Variants in THSD7B observed in about 807,000 individuals in gnomAD.
THSD7B encodes the protein thrombospondin type-1 domain-containing protein 7B.
THSD7B carries 138 observed loss-of-function variants against 213.6 expected under a neutral mutation model. The ratio of observed to expected loss-of-function variants is 0.65; its 90% CI spans 0.56 to 0.74. The LOEUF (loss-of-function observed/expected upper bound fraction) is 0.74. THSD7B is among the 30% of genes least tolerant of loss of function. THSD7B has a pLI of 0.00. For missense variants in THSD7B, 1,931 were observed against 1,991.5 expected, an observed-to-expected ratio of 0.97 and a Z score of 0.58; for synonymous variants, 742 against 687.0, an observed-to-expected ratio of 1.08 and a Z score of -1.25.
intron 12 of THSD7B, among the ~76,000 whole-genome samples, chr2:137,375,116 C>T (rs1685623787): frequency 1.3e-5 from 2 of 152,116 alleles, no homozygotes; most frequent in Non-Finnish European, 2.9e-5. Flanking sequence ...GCCAGTACTA[C>T]CTCAAAGTAG....
chr2:137,385,242 G>A (rs535009587), intron 12 of THSD7B, among the ~76,000 whole-genome samples: 70 of 152,298 alleles, frequency 4.6e-4, no homozygotes, highest in Non-Finnish European at 7.2e-4. Context: ...GTGTTAATTG[G>A]CATTTTTACC....
intron 2 of THSD7B, among the ~76,000 whole-genome samples, chr2:137,012,571 G>A (rs1011935315): frequency 6.6e-6 from 1 of 152,178 alleles, no homozygotes; most frequent in Non-Finnish European, 1.5e-5. Flanking sequence ...TCCAAATGCA[G>A]CTTATTCAGA....
chr2:137,588,656 CTG>C (rs1472936445), intron 17 of THSD7B, among the ~76,000 whole-genome samples: 1 of 151,926 alleles, frequency 6.6e-6, no homozygotes, highest in Non-Finnish European at 1.5e-5. Flanking sequence ...TCTCATGTAT[CTG>C]TGATTACCAT....
At chr2:137,229,279 A>G (rs1321590963) in intron 7 of THSD7B, among the ~76,000 whole-genome samples, 1 of 152,150 alleles carries the variant, frequency 6.6e-6, no homozygotes, top group Non-Finnish European at 1.5e-5. Context: ...TGGAAATTAA[A>G]TTTTGATTAG....
At chr2:137,487,344 C>T (rs866496066) in intron 15 of THSD7B, among the ~76,000 whole-genome samples, 1,582 of 111,510 alleles carry the variant, frequency 0.014, 73 homozygotes, top group African/African-American at 0.057. Flanking sequence ...GTCCGCAGTC[C>T]GGCCTGGGCG....
intron 1 of THSD7B, among the ~76,000 whole-genome samples, chr2:136,783,658 A>G (rs1033562789): frequency 1.3e-5 from 2 of 152,136 alleles, no homozygotes; most frequent in Non-Finnish European, 2.9e-5. Context: ...CCCACCCGCA[A>G]TCTCCTGCCA....
At chr2:137,187,341 C>T (rs1463107887) in intron 7 of THSD7B, among the ~76,000 whole-genome samples, 4 of 152,182 alleles carry the variant, frequency 2.6e-5, no homozygotes, top group Admixed American at 1.3e-4. Flanking sequence ...CTCAGGAGAT[C>T]TGTGAGCTCT....
At chr2:137,228,251 T>C (rs971625876) in intron 7 of THSD7B, among the ~76,000 whole-genome samples, 1 of 152,030 alleles carries the variant, frequency 6.6e-6, no homozygotes, top group Non-Finnish European at 1.5e-5. Context: ...ATTTGTTCCC[T>C]TTTCTGAATT....
chr2:137,361,532 C>T (rs148835075), intron 12 of THSD7B, among the ~76,000 whole-genome samples: 8,079 of 152,100 alleles, frequency 0.053, 339 homozygotes, highest in Non-Finnish European at 0.083. Flanking sequence ...GTAGAGAAGA[C>T]GTTAAATGAC....
At chr2:136,780,084 G>C (rs1681711545) in intron 1 of THSD7B, among the ~76,000 whole-genome samples, 1 of 152,118 alleles carries the variant, frequency 6.6e-6, no homozygotes. Context: ...GTCTGTCTTA[G>C]GCTGTTTTGT....
intron 17 of THSD7B, among the ~76,000 whole-genome samples, chr2:137,576,381 T>C (rs1681461552): frequency 6.6e-6 from 1 of 152,056 alleles, no homozygotes; most frequent in Admixed American, 6.6e-5. Context: ...GTATCAGGGG[T>C]TGGCCAGAAC....
chr2:137,309,395 T>C (rs1683836032), intron 12 of THSD7B, among the ~76,000 whole-genome samples: 1 of 151,884 alleles, frequency 6.6e-6, no homozygotes, highest in Non-Finnish European at 1.5e-5. Flanking sequence ...TCACATATTT[T>C]GCAAATATGC....
intron 7 of THSD7B, among the ~76,000 whole-genome samples, chr2:137,192,379 G>A (rs1003320834): frequency 8.5e-5 from 13 of 152,282 alleles, no homozygotes; most frequent in African/African-American, 3.1e-4. Context: ...GAAGAGTGAA[G>A]TGATATTCAT....
rs1680625974 is a variant in THSD7B, at chr2:137,542,371, G to A, written c.3139-20850G>A. On this transcript the variant is annotated intron_variant, in intron 15 of 27. Transcript: ENST00000409968. ...CAAAGTATTCTTTGAAAATTAAGGA[G>A]AAATTAAGAAACTCTCAAATAAACT... Among the ~76,000 whole-genome samples, 4 of 151,514 alleles carry A rather than the reference G, an allele frequency of 2.6e-5. No homozygotes were observed. In the Admixed American group the frequency reaches 2.6e-4, roughly 10 times the overall value.
intron 15 of THSD7B, among the ~76,000 whole-genome samples, chr2:137,459,669 GA>G (rs879332868): frequency 1.6e-3 from 220 of 141,444 alleles, no homozygotes; most frequent in Admixed American, 8.2e-3. Flanking sequence ...TGTCTTTAAA[GA>G]AAAAAAAAAA....
intron 15 of THSD7B, among the ~76,000 whole-genome samples, chr2:137,491,240 A>G (rs1183044904): frequency 1.3e-5 from 2 of 152,170 alleles, no homozygotes; most frequent in African/African-American, 2.4e-5. Flanking sequence ...TACAAAAGAA[A>G]TCGTTCCTTT....
At chr2:137,496,357 G>T (rs776603015) in intron 15 of THSD7B, among the ~76,000 whole-genome samples, 19 of 152,084 alleles carry the variant, frequency 1.2e-4, no homozygotes, top group Non-Finnish European at 2.8e-4. Flanking sequence ...AGGCAATCCA[G>T]CACTTTGTAC....
intron 10 of THSD7B, among the ~76,000 whole-genome samples, chr2:137,269,147 T>C (rs1682673207): frequency 6.6e-6 from 1 of 152,122 alleles, no homozygotes; most frequent in South Asian, 2.1e-4. Flanking sequence ...CTCTCTCTCT[T>C]CAAAGACATA....
At position 136,790,735 on chromosome 2, in the gene THSD7B, A is replaced by G. The variant is rs13422099; in HGVS notation, c.-36+25048A>G. 8.1e-3 allele frequency among the ~76,000 whole-genome samples: 1,234 copies of G among 152,202 alleles called. 16 individuals carry two copies. The highest frequency in any genetic ancestry group is 0.028 in the African/African-American group (1,172 of 41,530). On this transcript the variant is annotated intron_variant, in intron 1 of 27. Transcript: ENST00000409968. ...CCAAATGTATCCAGGTTTTCCAGAG[A>G]AAAAATACAGATCAACAAAAAGAGC...
Sources: allele counts gnomAD v4.1 joint callset (sites outside exome capture counted in the v4.1 genomes callset), GRCh38; gene constraint gnomAD v4.1.1; transcripts MANE v1.5; gene names NCBI Gene and HGNC (gene_info 2026-07-23, HGNC 2026-07-21).